Variants in TRPM3 observed in about 807,000 individuals in gnomAD.
TRPM3 encodes transient receptor potential cation channel subfamily M member 3.
Under a neutral mutation model 181.2 loss-of-function variants are expected in TRPM3, and 77 were observed. That is an observed-to-expected ratio of 0.42 (90% confidence interval 0.35 to 0.51). TRPM3 has a LOEUF of 0.51. TRPM3 is among the 20% of genes least tolerant of loss of function. TRPM3 has a pLI of 0.01. For synonymous variants in TRPM3, 745 were observed against 796.4 expected, an observed-to-expected ratio of 0.94 and a Z score of 1.09; for missense variants, 1,759 against 2,196.7, an observed-to-expected ratio of 0.80 and a Z score of 3.98.
At chr9:71,135,394 C>T (rs971849198) in intron 1 of TRPM3, among the ~76,000 whole-genome samples, 7 of 152,150 alleles carry the variant, frequency 4.6e-5, no homozygotes, top group Non-Finnish European at 8.8e-5. Flanking sequence ...CTTTTCCAGG[C>T]TGTACCCAAA....
chr9:71,127,316 C>CACACACACACACACA (rs1565253257), intron 1 of TRPM3, among the ~76,000 whole-genome samples: 4 of 149,420 alleles, frequency 2.7e-5, no homozygotes, highest in Non-Finnish European at 4.5e-5. Context: ...CACACACACA[C>CACACACACACACACA]CCCTGAACTG....
intron 1 of TRPM3, among the ~76,000 whole-genome samples, chr9:71,047,102 G>C (rs2059530096): frequency 6.6e-6 from 1 of 152,176 alleles, no homozygotes; most frequent in South Asian, 2.1e-4. Flanking sequence ...GGAAATAAAA[G>C]AGTGTGTGTG....
At chr9:70,768,832 T>C (rs1359383082) in intron 7 of TRPM3, among the ~76,000 whole-genome samples, 2 of 152,190 alleles carry the variant, frequency 1.3e-5, no homozygotes, top group African/African-American at 4.8e-5. Flanking sequence ...GACAGGTTAT[T>C]TGATCTCTTT....
chr9:71,193,907 A>G (rs185517415), intron 1 of TRPM3, among the ~76,000 whole-genome samples: 11 of 152,084 alleles, frequency 7.2e-5, no homozygotes, highest in African/African-American at 2.4e-4. Flanking sequence ...TTCATCATTC[A>G]TTAAAACACC....
intron 1 of TRPM3, among the ~76,000 whole-genome samples, chr9:71,226,750 G>C (rs2080688434): frequency 6.6e-6 from 1 of 151,908 alleles, no homozygotes; most frequent in African/African-American, 2.4e-5. Context: ...AATATTATTA[G>C]AGCTAGATAG....
intron 1 of TRPM3, among the ~76,000 whole-genome samples, chr9:71,056,390 T>C (rs2060654833): frequency 6.6e-6 from 1 of 151,956 alleles, no homozygotes; most frequent in African/African-American, 2.4e-5. Context: ...TGCAGAGATA[T>C]GGATAATGAG....
intron 1 of TRPM3, among the ~76,000 whole-genome samples, chr9:70,896,317 C>T (rs1258165779): frequency 4.6e-5 from 7 of 152,138 alleles, no homozygotes; most frequent in African/African-American, 7.2e-5. Flanking sequence ...ACAGTATAGC[C>T]TTGTAGACCA....
At chr9:70,819,221 C>A (rs369486409) in intron 6 of TRPM3, among the ~76,000 whole-genome samples, 1 of 152,316 alleles carries the variant, frequency 6.6e-6, no homozygotes, top group South Asian at 2.1e-4. Context: ...GCCCCTCTCC[C>A]ATGCCATTAA....
intron 1 of TRPM3, among the ~76,000 whole-genome samples, chr9:71,304,740 C>A (rs74573495): frequency 5.8e-4 from 88 of 152,246 alleles, no homozygotes; most frequent in African/African-American, 1.9e-3. Flanking sequence ...TCTCTTGAGG[C>A]GCATTTAAAT....
intron 2 of TRPM3, among the ~76,000 whole-genome samples, chr9:70,864,061 A>G (rs1475987610): frequency 6.6e-6 from 1 of 152,024 alleles, no homozygotes; most frequent in African/African-American, 2.4e-5. Context: ...ATCTGCTAGG[A>G]GTCTTTTATT....
chr9:70,541,509 C>CT (rs200435839), intron 25 of TRPM3, among the ~76,000 whole-genome samples: 145 of 118,606 alleles, frequency 1.2e-3, no homozygotes, highest in South Asian at 2.2e-3. Flanking sequence ...TTCCTTTAAT[C>CT]TTTTTTTTTT....
At chr9:70,903,920 T>C (rs2096423720) in intron 1 of TRPM3, among the ~76,000 whole-genome samples, 1 of 152,142 alleles carries the variant, frequency 6.6e-6, no homozygotes, top group South Asian at 2.1e-4. Flanking sequence ...AATTGTCAGA[T>C]AATTTTTCTT....
At chr9:71,132,914 A>G (rs990897335) in intron 1 of TRPM3, among the ~76,000 whole-genome samples, 4 of 152,178 alleles carry the variant, frequency 2.6e-5, no homozygotes, top group Non-Finnish European at 5.9e-5. Flanking sequence ...CTCACTTGCA[A>G]TTTTAATGTT....
chr9:71,309,639 G>T (rs1241384069), intron 1 of TRPM3, among the ~76,000 whole-genome samples: 3 of 152,052 alleles, frequency 2.0e-5, no homozygotes, highest in Admixed American at 2.0e-4. Flanking sequence ...ATGGGCACAT[G>T]AATAACACTG....
At chr9:71,238,158 G>C (rs11142748) in intron 1 of TRPM3, among the ~76,000 whole-genome samples, 63,177 of 151,862 alleles carry the variant, frequency 0.42, 13,732 homozygotes, top group East Asian at 0.52. Context: ...ATGAAAAAAC[G>C]CAGCATTATT....
intron 1 of TRPM3, among the ~76,000 whole-genome samples, chr9:71,264,929 T>G (rs1289286957): frequency 6.6e-6 from 1 of 152,218 alleles, no homozygotes; most frequent in South Asian, 2.1e-4. Flanking sequence ...GAAAAAATTC[T>G]TAGAACTGTA....
At chr9:70,630,305 T>C (rs1020816482) in intron 12 of TRPM3, among the ~76,000 whole-genome samples, 12 of 152,252 alleles carry the variant, frequency 7.9e-5, no homozygotes, top group African/African-American at 2.9e-4. Context: ...TCCAACTGTA[T>C]GACCACTACT....
rs538123108 is a variant in TRPM3, at chr9:70,963,676, T to G, written c.178-99165A>C. Among the ~76,000 whole-genome samples the G allele has an allele frequency of 8.5e-5, 13 of 152,246 alleles. No individual in the cohort carries two copies. In the South Asian group the frequency reaches 2.7e-3, roughly 32 times the overall value. ...GGCTTGGAAGGAGTAAATAACCTGTTCAAGTTCACGCTGGAAACCTCCAGA... is the reference window on the plus strand; with the variant it reads ...GGCTTGGAAGGAGTAAATAACCTGTGCAAGTTCACGCTGGAAACCTCCAGA... On this transcript the variant is annotated intron_variant, in intron 1 of 25. Transcript: ENST00000677713.
intron 1 of TRPM3, among the ~76,000 whole-genome samples, chr9:71,357,273 G>T (rs781162740): frequency 3.3e-5 from 5 of 152,064 alleles, no homozygotes; most frequent in African/African-American, 1.2e-4. Context: ...GAAGCAAAAG[G>T]CACTATGTCT....
Sources: allele counts gnomAD v4.1 joint callset (sites outside exome capture counted in the v4.1 genomes callset), GRCh38; gene constraint gnomAD v4.1.1; transcripts MANE v1.5; gene names NCBI Gene and HGNC (gene_info 2026-07-23, HGNC 2026-07-21).